Variants in UBE2E2 observed in about 807,000 individuals in gnomAD.
UBE2E2 encodes ubiquitin-conjugating enzyme E2 E2.
UBE2E2 carries 6 observed loss-of-function variants against 24.7 expected under a neutral mutation model. That is an observed-to-expected ratio of 0.24 (90% CI 0.13 to 0.48). UBE2E2 has a LOEUF of 0.48. Ranked by LOEUF, UBE2E2 falls within the 20% of genes least tolerant of loss-of-function variation. The pLI is 0.99. For missense variants in UBE2E2, 169 were observed against 245.0 expected, an observed-to-expected ratio of 0.69 and a Z score of 2.07; for synonymous variants, 104 against 83.6, an observed-to-expected ratio of 1.24 and a Z score of -1.33.
intron 3 of UBE2E2, among the ~76,000 whole-genome samples, chr3:23,294,750 G>T (rs1698865185): frequency 6.8e-6 from 1 of 146,768 alleles, no homozygotes. Flanking sequence ...TGTATCTTTA[G>T]ATTATTTTAT....
Position 23,532,688 on chromosome 3 carries a change from A to G in UBE2E2, c.495A>G (p.Thr165=). Residue 165 remains threonine, a synonymous_variant, in exon 5 of 6, where the codon ACA becomes ACG. Transcript: ENST00000396703. The stretch of plus-strand genomic sequence containing the variant: ...TCCTCTCCATCTGCTCACTTCTTAC[A>G]GATTGCAACCCTGGTAAGAGACTTT... The part of the protein sequence containing the change: ...KVLLSICSLL[T]DCNPADPLVG... 3.9e-6 allele frequency: 6 copies of G among 1,542,418 alleles called. No homozygotes were observed. The highest frequency in any genetic ancestry group is 2.3e-5 in the East Asian group (1 of 44,166).
intron 4 of UBE2E2, among the ~76,000 whole-genome samples, chr3:23,504,622 G>A (rs1480420158): frequency 6.6e-6 from 1 of 152,048 alleles, no homozygotes; most frequent in Non-Finnish European, 1.5e-5. Context: ...TTTTTTACTG[G>A]CAATAGATGA....
At chr3:23,400,006 T>C (rs1377380915) in intron 3 of UBE2E2, among the ~76,000 whole-genome samples, 1 of 152,112 alleles carries the variant, frequency 6.6e-6, no homozygotes, top group Non-Finnish European at 1.5e-5. Flanking sequence ...TACAATACTT[T>C]AGAGCATGAA....
chr3:23,434,242 A>G (rs1380248978), intron 3 of UBE2E2, among the ~76,000 whole-genome samples: 3 of 152,134 alleles, frequency 2.0e-5, no homozygotes, highest in Non-Finnish European at 4.4e-5. Context: ...GTGCTTAAAT[A>G]CTTATTGAAT....
In UBE2E2 at chr3:23,534,128, C is replaced by CTTT. The variant is rs1158079342; in HGVS notation, c.508+1446_508+1448dup. On this transcript the variant is annotated intron_variant, in intron 5 of 5. Coordinates refer to ENST00000396703, the MANE Select transcript of UBE2E2 (RefSeq NM_152653.4). The stretch of plus-strand genomic sequence containing the variant: ...ATTTGGAGGTAATGTTGCAAGAAGG[C>CTTT]TTTTTTTTTTTTTTTTTTTTTGAGG... 1.2e-3 allele frequency: 531 copies of CTTT among 438,720 alleles called. 2 individuals carry two copies. The highest frequency in any genetic ancestry group is 2.9e-3 in the African/African-American group (83 of 28,916). The allele number at this position is 438,720 out of a possible 1,614,324, so 27.2% of individuals were successfully genotyped here.
At chr3:23,484,771 GGCAAGAGAGCTTAT>G (rs1699326981) in intron 3 of UBE2E2, among the ~76,000 whole-genome samples, 1 of 152,192 alleles carries the variant, frequency 6.6e-6, no homozygotes, top group African/African-American at 2.4e-5. Flanking sequence ...CATGGTGGCA[GGCAAGAGAGCTTAT>G]GCAGGGGAAC....
At chr3:23,501,591 G>A (rs550264168) in intron 4 of UBE2E2, among the ~76,000 whole-genome samples, 72 of 152,156 alleles carry the variant, frequency 4.7e-4, no homozygotes, top group Non-Finnish European at 8.2e-4. Context: ...AAAATAGGGC[G>A]TGGGAGGAAT....
At chr3:23,484,672 A>C (rs984203170) in intron 3 of UBE2E2, among the ~76,000 whole-genome samples, 10 of 152,192 alleles carry the variant, frequency 6.6e-5, no homozygotes, top group Admixed American at 5.9e-4. Flanking sequence ...TTTATAAAGA[A>C]AAGAGGTATA....
intron 3 of UBE2E2, among the ~76,000 whole-genome samples, chr3:23,325,911 A>C (rs892982085): frequency 1.3e-5 from 2 of 152,224 alleles, no homozygotes; most frequent in Non-Finnish European, 2.9e-5. Context: ...ATATAGTCAC[A>C]CTGTGAGTAA....
intron 5 of UBE2E2, among the ~76,000 whole-genome samples, chr3:23,548,905 C>T (rs1302766075): frequency 2.6e-5 from 4 of 152,124 alleles, no homozygotes. Flanking sequence ...TTGGTGGCTC[C>T]TGTTCTTCTG....
At chr3:23,301,832 C>G (rs567933665) in intron 3 of UBE2E2, among the ~76,000 whole-genome samples, 75 of 141,580 alleles carry the variant, frequency 5.3e-4, no homozygotes, top group African/African-American at 2.4e-3. Context: ...GCAGAAATCA[C>G]CAGTCTTCTG....
chr3:23,268,224 G>A (rs1441431277), intron 3 of UBE2E2, among the ~76,000 whole-genome samples: 9 of 148,200 alleles, frequency 6.1e-5, no homozygotes, highest in East Asian at 6.0e-4. Flanking sequence ...GGCAGGAGAA[G>A]GAAATAAAGG....
rs147834995 is a variant in UBE2E2 at position 23,476,237 on chromosome 3, T to C, written c.228-23371T>C. On this transcript the variant is annotated intron_variant, in intron 3 of 5. Coordinates refer to ENST00000396703, the MANE Select transcript of UBE2E2 (RefSeq NM_152653.4). ...CTCTGAGTGTTTGTGGCCATTGTTTTTGAAACTTAAGAAATAGAATTGGTG... is the reference window on the plus strand; with the variant it reads ...CTCTGAGTGTTTGTGGCCATTGTTTCTGAAACTTAAGAAATAGAATTGGTG... Among the ~76,000 whole-genome samples, 351 of 152,208 alleles carry C rather than the reference T, an allele frequency of 2.3e-3. 2 individuals are homozygous for C. The highest frequency in any genetic ancestry group is 4.0e-3 in the Non-Finnish European group (275 of 68,032).
intron 3 of UBE2E2, among the ~76,000 whole-genome samples, chr3:23,326,979 C>T (rs552562803): frequency 3.3e-5 from 5 of 152,286 alleles, no homozygotes; most frequent in African/African-American, 1.2e-4. Flanking sequence ...CAGCTTCATC[C>T]ATGTCCCTGC....
At position 23,343,786 on chromosome 3, in the gene UBE2E2, T is replaced by A. The variant is rs183462235; in HGVS notation, c.227+126474T>A. Among the ~76,000 whole-genome samples the A allele has an allele frequency of 4.6e-3, 697 of 152,296 alleles. 6 individuals are homozygous for A. The highest frequency in any genetic ancestry group is 0.015 in the African/African-American group (642 of 41,570). On this transcript the variant is annotated intron_variant, in intron 3 of 5. Transcript: ENST00000396703. ...ACACCATTGATAAGTTTTGACTGTT[T>A]TGGGACTGTACATAAGTGGAATTAT...
intron 3 of UBE2E2, among the ~76,000 whole-genome samples, chr3:23,388,262 T>C (rs188072627): frequency 1.3e-5 from 2 of 152,348 alleles, no homozygotes; most frequent in African/African-American, 4.8e-5. Context: ...TATATTGTAA[T>C]TACATTTTAT....
chr3:23,411,826 T>G (rs1015141139), intron 3 of UBE2E2, among the ~76,000 whole-genome samples: 2 of 152,200 alleles, frequency 1.3e-5, no homozygotes, highest in Admixed American at 1.3e-4. Flanking sequence ...TCAGTGATTG[T>G]TAGCTATTGT....
chr3:23,352,147 G>A (rs1474768380), intron 3 of UBE2E2, among the ~76,000 whole-genome samples: 4 of 151,824 alleles, frequency 2.6e-5, no homozygotes, highest in East Asian at 3.9e-4. Context: ...GGTACATAAC[G>A]AAATGAAGGC....
intron 3 of UBE2E2, chr3:23,271,071 A>G (rs545573808): frequency 6.6e-6 from 3 of 455,418 alleles, no homozygotes; most frequent in East Asian, 6.9e-5. Context: ...TAGGCACCCA[A>G]AAAGTTAAGA....
Sources: allele counts gnomAD v4.1 joint callset (sites outside exome capture counted in the v4.1 genomes callset), GRCh38; gene constraint gnomAD v4.1.1; transcripts MANE v1.5; gene names NCBI Gene and HGNC (gene_info 2026-07-23, HGNC 2026-07-21).